TAFA1: variants seen among roughly 807,000 people sequenced by gnomAD.
The protein encoded by TAFA1 is chemokine-like protein TAFA-1.
Under a neutral mutation model 18.5 loss-of-function variants are expected in TAFA1, and 4 were observed. The observed-to-expected ratio is 0.22, with a 90% CI of 0.11 to 0.49. The LOEUF is 0.49. Ranked by LOEUF, TAFA1 falls within the 20% of genes least tolerant of loss-of-function variation. The pLI, the probability that TAFA1 is intolerant of heterozygous loss-of-function variation, is 0.98. For missense variants in TAFA1, 147 were observed against 169.0 expected (o/e 0.87, Z 0.72); for synonymous variants, 56 against 55.2 (o/e 1.01, Z -0.06).
chr3:68,075,395 A>G (rs1364962498), intron 2 of TAFA1, among the ~76,000 whole-genome samples: 2 of 152,216 alleles, frequency 1.3e-5, no homozygotes, highest in African/African-American at 4.8e-5. Flanking sequence ...TGATAAGAGT[A>G]TTGAAAACCT....
intron 2 of TAFA1, among the ~76,000 whole-genome samples, chr3:68,198,371 C>G (rs2066435843): frequency 6.6e-6 from 1 of 151,542 alleles, no homozygotes; most frequent in South Asian, 2.1e-4. Flanking sequence ...AGTTTCAAAT[C>G]CTTTGGGTAA....
intron 2 of TAFA1, among the ~76,000 whole-genome samples, chr3:68,383,590 T>C (rs1216219644): frequency 6.6e-6 from 1 of 152,090 alleles, no homozygotes; most frequent in Non-Finnish European, 1.5e-5. Flanking sequence ...TGCTGGTGTT[T>C]TGTTAAGGAT....
chr3:68,410,816 T>C, intron 2 of TAFA1, among the ~76,000 whole-genome samples: 1 of 151,130 alleles, frequency 6.6e-6, no homozygotes. Context: ...TTGACTTGGA[T>C]TGAGATGAAA....
chr3:68,459,628 T>G (rs937488590), intron 3 of TAFA1, among the ~76,000 whole-genome samples: 24 of 152,204 alleles, frequency 1.6e-4, no homozygotes, highest in South Asian at 2.1e-4. Flanking sequence ...GGGAGCTGAA[T>G]GAAAGTATTT....
chr3:68,441,253 G>C (rs992838115), intron 3 of TAFA1, among the ~76,000 whole-genome samples: 2 of 152,130 alleles, frequency 1.3e-5, no homozygotes, highest in Admixed American at 1.3e-4. Context: ...ACAGGTGCAG[G>C]CTGCTTTGTA....
At chr3:68,177,712 G>A (rs756235311) in intron 2 of TAFA1, among the ~76,000 whole-genome samples, 3 of 152,180 alleles carry the variant, frequency 2.0e-5, no homozygotes, top group Non-Finnish European at 2.9e-5. Flanking sequence ...ACAGAACCAA[G>A]TTCAAATGCT....
At chr3:68,508,137 C>T (rs2072789739) in intron 3 of TAFA1, among the ~76,000 whole-genome samples, 1 of 152,070 alleles carries the variant, frequency 6.6e-6, no homozygotes, top group Non-Finnish European at 1.5e-5. Context: ...CTTCACATGG[C>T]CTTTCCTTGG....
At chr3:68,320,649 C>A (rs1314068385) in intron 2 of TAFA1, among the ~76,000 whole-genome samples, 1 of 152,136 alleles carries the variant, frequency 6.6e-6, no homozygotes, top group East Asian at 1.9e-4. Flanking sequence ...GAGGTGGCTC[C>A]CTGTTACTGC....
chr3:68,212,385 G>A (rs2066607863), intron 2 of TAFA1, among the ~76,000 whole-genome samples: 1 of 151,930 alleles, frequency 6.6e-6, no homozygotes, highest in South Asian at 2.1e-4. Flanking sequence ...TAGAGAAGCA[G>A]CATGATATTC....
intron 2 of TAFA1, among the ~76,000 whole-genome samples, chr3:68,052,645 T>A (rs149123469): frequency 1.3e-3 from 196 of 152,340 alleles, no homozygotes; most frequent in African/African-American, 4.4e-3. Flanking sequence ...TTCACTTTAT[T>A]TGTTATTTCA....
chr3:68,129,202 C>T (rs1405117301), intron 2 of TAFA1, among the ~76,000 whole-genome samples: 1 of 152,158 alleles, frequency 6.6e-6, no homozygotes, highest in Non-Finnish European at 1.5e-5. Flanking sequence ...GTTTGCCTAA[C>T]ATCAGACAGC....
At chr3:68,370,470 G>GTATATATATATATA in intron 2 of TAFA1, among the ~76,000 whole-genome samples, 1 of 31,162 alleles carries the variant, frequency 3.2e-5, no homozygotes, top group East Asian at 9.5e-4. Context: ...GTGTGTGTGT[G>GTATATATATATATA]TGTATATATA....
At chr3:68,078,850 C>CT (rs2064859948) in intron 2 of TAFA1, among the ~76,000 whole-genome samples, 1 of 152,198 alleles carries the variant, frequency 6.6e-6, no homozygotes, top group Non-Finnish European at 1.5e-5. Flanking sequence ...AGGATTCCCT[C>CT]TTTTTCTATT....
At chr3:68,083,038 T>A (rs2064923835) in intron 2 of TAFA1, among the ~76,000 whole-genome samples, 1 of 152,212 alleles carries the variant, frequency 6.6e-6, no homozygotes, top group Non-Finnish European at 1.5e-5. Flanking sequence ...GGATTAATAT[T>A]AAATATTAAT....
upstream of TAFA1, among the ~76,000 whole-genome samples, chr3:68,001,300 A>G (rs1559697291): frequency 6.6e-6 from 1 of 152,212 alleles, no homozygotes; most frequent in Admixed American, 6.5e-5. Flanking sequence ...TATAGTTGAT[A>G]AAGTAATTGT....
At chr3:68,113,831 A>G (rs549064330) in intron 2 of TAFA1, among the ~76,000 whole-genome samples, 41 of 149,784 alleles carry the variant, frequency 2.7e-4, no homozygotes, top group South Asian at 6.4e-4. Flanking sequence ...AGTCTTGTGT[A>G]ATTTGCTCTG....
At chr3:68,305,446 TATATATATA>T (rs2068397877) in intron 2 of TAFA1, among the ~76,000 whole-genome samples, 1 of 116,024 alleles carries the variant, frequency 8.6e-6, no homozygotes, top group South Asian at 2.8e-4. Flanking sequence ...TATATATATA[TATATATATA>T]TAGGTAGAAG....
intron 2 of TAFA1, among the ~76,000 whole-genome samples, chr3:68,382,456 C>T (rs1321267511): frequency 6.6e-6 from 1 of 152,060 alleles, no homozygotes; most frequent in Non-Finnish European, 1.5e-5. Flanking sequence ...GTTATCCCAG[C>T]ACTATTTATT....
At chr3:68,280,191 C>T (rs73836845) in intron 2 of TAFA1, among the ~76,000 whole-genome samples, 2,208 of 152,212 alleles carry the variant, frequency 0.015, 25 homozygotes, top group African/African-American at 0.035. Flanking sequence ...CATAAAAGGA[C>T]TTTTAAAAGG....
Sources: allele counts gnomAD v4.1 joint callset (sites outside exome capture counted in the v4.1 genomes callset), GRCh38; gene constraint gnomAD v4.1.1; transcripts MANE v1.5; gene names NCBI Gene and HGNC (gene_info 2026-07-23, HGNC 2026-07-21).